LZIC: variants seen among roughly 807,000 people sequenced by gnomAD.
LZIC encodes leucine zipper and CTNNBIP1 domain containing, also known as protein LZIC.
Under a neutral mutation model 25.4 loss-of-function variants are expected in LZIC, and 28 were observed. The observed-to-expected ratio is 1.10, with a 90% CI of 0.82 to 1.51. LZIC has a LOEUF of 1.51. Ranked by LOEUF, LZIC falls within the 40% of genes most tolerant of loss-of-function variation. The pLI is 0.00. For synonymous variants in LZIC, 65 were observed against 70.7 expected (o/e 0.92, Z 0.40); for missense variants, 170 against 211.1 (o/e 0.81, Z 1.21).
chr1:9,940,042 C>CT (rs1259128835), intron 2 of LZIC, among the ~76,000 whole-genome samples: 2 of 151,896 alleles, frequency 1.3e-5, no homozygotes, highest in African/African-American at 4.8e-5. Context: ...TCATCCAAGC[C>CT]TTGGAGGCAG....
intron 3 of LZIC, among the ~76,000 whole-genome samples, chr1:9,936,128 CAAA>C (rs5772391): frequency 2.0e-4 from 26 of 131,950 alleles, no homozygotes; most frequent in Non-Finnish European, 2.1e-4. Context: ...GACTCTGTCT[CAAA>C]AAAAAAAAAA....
chr1:9,929,947 T>C lies in LZIC; in HGVS notation c.*452A>G. ...TGTTTGTAAAAACAGAAATGATTTC[T>C]AAGATCACTCAGAATTGTAAAATTC... On this transcript the variant is annotated 3_prime_UTR_variant, in exon 8 of 8. Coordinates refer to ENST00000377223, the MANE Select transcript of LZIC (RefSeq NM_032368.5). The C allele has an allele frequency of 1.0e-6, 1 of 969,176 alleles. No individual in the cohort carries two copies. The highest frequency in any genetic ancestry group is 1.2e-6 in the Non-Finnish European group (1 of 815,030). The allele number at this position is 969,176 out of a possible 1,614,324, so 60.0% of individuals were successfully genotyped here.
At chr1:9,924,777 A>C (rs980364384), downstream of LZIC, among the ~76,000 whole-genome samples, 1 of 152,168 alleles carries the variant, frequency 6.6e-6, no homozygotes, top group African/African-American at 2.4e-5. Context: ...ACAACAACAA[A>C]ATTAAGCTCC....
At position 9,928,152 on chromosome 1, in the gene LZIC, T is replaced by C. The variant is rs1305774915; in HGVS notation, c.*2247A>G. 6.6e-6 allele frequency among the ~76,000 whole-genome samples: 1 copy of C among 151,812 alleles called. No homozygotes were observed. The highest frequency in any genetic ancestry group is 1.5e-5 in the Non-Finnish European group (1 of 67,974). On this transcript the variant is annotated 3_prime_UTR_variant, in exon 8 of 8. Coordinates refer to ENST00000377223, the MANE Select transcript of LZIC (RefSeq NM_032368.5). ...CAACATGGAGAAACCCCATCTCTAC[T>C]AAAAACACAAAATTAGCCAGGTGTG... is the stretch of plus-strand genomic sequence containing the variant.
chr1:9,930,259 G>A lies in LZIC; in HGVS notation c.*140C>T, dbSNP rs1004241212. On this transcript the variant is annotated 3_prime_UTR_variant, in exon 8 of 8. Coordinates refer to ENST00000377223, the MANE Select transcript of LZIC (RefSeq NM_032368.5). ...TGAAGAGCATAAACACAAGCCATAA[G>A]TATATTTTTATGTCGCTTTTTCTTA... The A allele has an allele frequency of 1.3e-6, 2 of 1,526,488 alleles. No homozygotes were observed. The highest frequency in any genetic ancestry group is 8.8e-7 in the Non-Finnish European group (1 of 1,140,878). The allele number at this position is 1,526,488 out of a possible 1,614,324, so 94.6% of individuals were successfully genotyped here.
At chr1:9,940,337 C>T (rs1048484756) in intron 2 of LZIC, among the ~76,000 whole-genome samples, 2 of 152,008 alleles carry the variant, frequency 1.3e-5, no homozygotes, top group African/African-American at 2.4e-5. Flanking sequence ...CCACCACGCC[C>T]AGCTTATTTT....
rs1019160211 is a variant in LZIC, at chr1:9,927,911, G to A, written c.*2488C>T. On this transcript the variant is annotated 3_prime_UTR_variant, in exon 8 of 8. Transcript: ENST00000377223. ...GCTGGTCTTGAGCTCCTGATCTTGT[G>A]ATCCGCCCGCCTTGGCCTCCTGAAG... Among the ~76,000 whole-genome samples the A allele has an allele frequency of 1.3e-5, 2 of 151,864 alleles. No individual in the cohort carries two copies. The highest frequency in any genetic ancestry group is 2.9e-5 in the Non-Finnish European group (2 of 67,974).
At position 9,942,607 on chromosome 1, in the gene LZIC, T is replaced by C; in HGVS notation, c.-9+17A>G. The C allele has an allele frequency of 8.2e-7, 1 of 1,212,858 alleles. No homozygotes were observed. Among genetic ancestry groups the C allele is most frequent in the Non-Finnish European group, 1.1e-6 (1 of 922,658 alleles). 75.1% of individuals were successfully genotyped at this position (1,212,858 alleles called of 1,614,324 possible). A position where few individuals can be genotyped will look rare whatever the true frequency, so the allele number is the denominator to read the frequency against. ...CAGACACTATATCTGGAGCGGAGGG[T>C]CCTCATTCATGCTCACCTGTCTCTT... On this transcript the variant is annotated intron_variant, in intron 2 of 7. Transcript: ENST00000377223.
chr1:9,928,511 T>C lies in LZIC; in HGVS notation c.*1888A>G, dbSNP rs1167611467. ...CCGGATAAACAAAATATGATATCCA[T>C]ACAATGGAATATTATTTAGCCATAA... On this transcript the variant is annotated 3_prime_UTR_variant, in exon 8 of 8. Transcript: ENST00000377223. Among the ~76,000 whole-genome samples the C allele has an allele frequency of 6.6e-6, 1 of 152,112 alleles. No homozygotes were observed. The highest frequency in any genetic ancestry group is 2.4e-5 in the African/African-American group (1 of 41,416).
chr1:9,933,133 T>C (rs989357388), intron 5 of LZIC, among the ~76,000 whole-genome samples: 1 of 151,022 alleles, frequency 6.6e-6, no homozygotes, highest in Admixed American at 6.6e-5. Context: ...CAGGCGCCTG[T>C]AGTCCCAGCT....
intron 2 of LZIC, among the ~76,000 whole-genome samples, chr1:9,939,397 G>A (rs1307718087): frequency 2.2e-5 from 3 of 138,180 alleles, no homozygotes; most frequent in East Asian, 2.1e-4. Context: ...ACAGAGTATC[G>A]CTCTGTCACC....
At chr1:9,935,680 A>T (rs1640423592) in intron 3 of LZIC, 53 bp from the exon 4 acceptor site, 2 of 1,492,130 alleles carry the variant, frequency 1.3e-6, no homozygotes, top group Non-Finnish European at 1.8e-6. Context: ...CAAGTGAAAA[A>T]TGCAATCTTA....
chr1:9,937,250 A>C (rs1640499665), intron 2 of LZIC, among the ~76,000 whole-genome samples: 1 of 152,092 alleles, frequency 6.6e-6, no homozygotes, highest in African/African-American at 2.4e-5. Flanking sequence ...AAAATTAGGC[A>C]GGCGTGGTGG....
rs1248873472 is a variant in LZIC, at chr1:9,935,641, ACAT to A, written c.102-17_102-15del. On this transcript the variant is annotated splice_polypyrimidine_tract_variant and intron_variant, in intron 3 of 7. Coordinates refer to ENST00000377223, the MANE Select transcript of LZIC (RefSeq NM_032368.5). ...TCAAGTTCCTCTCTGAAATAGGTGA[ACAT>A]CATGATATGGAAAAATGAAGAGTTC... is the stretch of plus-strand genomic sequence containing the variant. 6.3e-7 allele frequency: 1 copy of A among 1,584,316 alleles called. No individual in the cohort carries two copies. Among genetic ancestry groups the A allele is most frequent in the Admixed American group, 1.9e-5 (1 of 51,788 alleles).
At chr1:9,942,584 G>A in intron 2 of LZIC, 40 bp downstream of exon 2, 1 of 1,058,466 alleles carries the variant, frequency 9.4e-7, no homozygotes, top group Non-Finnish European at 1.3e-6. Flanking sequence ...ACCGCTCTCA[G>A]ACACTATATC....
At chr1:9,940,236 G>T (rs1640649525) in intron 2 of LZIC, among the ~76,000 whole-genome samples, 1 of 151,134 alleles carries the variant, frequency 6.6e-6, no homozygotes, top group African/African-American at 2.4e-5. Flanking sequence ...GAGTGCAGTG[G>T]AGCAATCTCA....
Position 9,941,044 on chromosome 1 carries a change from T to G in LZIC, c.-9+1580A>C, listed in dbSNP as rs540653685. Among the ~76,000 whole-genome samples, 82 of 152,310 alleles carry G rather than the reference T, an allele frequency of 5.4e-4. 1 individual carries two copies. The South Asian group carries it at 0.017, about 31-fold the overall frequency. On this transcript the variant is annotated intron_variant, in intron 2 of 7. Transcript: ENST00000377223. ...ATGCACTTTTTTGAGCCTGCATTTT[T>G]TTTTCTACCTATGAAGCCCAGTTCA...
At chr1:9,931,332 G>T (rs762964726) in intron 7 of LZIC, among the ~76,000 whole-genome samples, 1 of 151,700 alleles carries the variant, frequency 6.6e-6, no homozygotes, top group Non-Finnish European at 1.5e-5. Flanking sequence ...GCACAATCTC[G>T]GCTCACTGCA....
downstream of LZIC, among the ~76,000 whole-genome samples, chr1:9,925,019 A>C (rs1639947053): frequency 1.3e-5 from 2 of 152,004 alleles, no homozygotes; most frequent in South Asian, 4.1e-4. Context: ...CATCTTAGAA[A>C]TAACCCTTAC....
Sources: allele counts gnomAD v4.1 joint callset (sites outside exome capture counted in the v4.1 genomes callset), GRCh38; gene constraint gnomAD v4.1.1; transcripts MANE v1.5; gene names NCBI Gene and HGNC (gene_info 2026-07-23, HGNC 2026-07-21).